Variants in FCHSD2 observed in about 807,000 individuals in gnomAD.
The protein encoded by FCHSD2 is F-BAR and double SH3 domains protein 2.
FCHSD2 carries 38 observed loss-of-function variants against 108.1 expected under a neutral mutation model. That is an observed-to-expected ratio of 0.35 (90% CI 0.27 to 0.46). The LOEUF is 0.46. FCHSD2 is among the 20% of genes least tolerant of loss of function. FCHSD2 has a pLI of 1.00. For missense variants in FCHSD2, 751 were observed against 897.8 expected, an observed-to-expected ratio of 0.84 and a Z score of 2.09; for synonymous variants, 279 against 314.7, an observed-to-expected ratio of 0.89 and a Z score of 1.20.
chr11:73,036,457 TA>T (rs1289575958), intron 3 of FCHSD2, among the ~76,000 whole-genome samples: 1 of 152,100 alleles, frequency 6.6e-6, no homozygotes, highest in Non-Finnish European at 1.5e-5. Context: ...ACACTGAAAA[TA>T]ATTTCATTAG....
At position 73,134,138 on chromosome 11, in the gene FCHSD2, A is replaced by G. The variant is rs113786055; in HGVS notation, c.119+5893T>C. 1.9e-3 allele frequency among the ~76,000 whole-genome samples: 292 copies of G among 152,192 alleles called. 1 individual carries two copies. Among genetic ancestry groups the G allele is most frequent in the African/African-American group, 6.3e-3 (261 of 41,522 alleles). On this transcript the variant is annotated intron_variant, in intron 2 of 19. Coordinates refer to ENST00000409418, the MANE Select transcript of FCHSD2 (RefSeq NM_014824.3). ...TCTAGACCAGATTAGATTACCTCTA[A>G]GATCTCTTTCTAGATACAACAGTCT...
chr11:72,958,993 A>ATGTGTGTG lies in FCHSD2; in HGVS notation c.705+25087_705+25094dup, dbSNP rs59339008. Among the ~76,000 whole-genome samples the ATGTGTGTG allele has an allele frequency of 9.0e-3, 1,036 of 114,854 alleles. 10 individuals carry two copies. The highest frequency in any genetic ancestry group is 0.021 in the African/African-American group (660 of 30,998). The allele number at this position is 114,854 out of a possible 152,430, so 75.3% of individuals were successfully genotyped here. A position where few individuals can be genotyped will look rare whatever the true frequency, so the allele number is the denominator to read the frequency against. On this transcript the variant is annotated intron_variant, in intron 8 of 19. Transcript: ENST00000409418. Reference sequence around the variant, plus strand: ...TATTACATATACTCATCAGTAAGATATGTGTGTGTGTGTGTGTGTGTGTGT... The same window carrying ATGTGTGTG: ...TATTACATATACTCATCAGTAAGATATGTGTGTGTGTGTGTGTGTGTGTGTGTGTGTGT...
intron 12 of FCHSD2, among the ~76,000 whole-genome samples, chr11:72,881,232 T>C (rs1217612997): frequency 2.6e-5 from 4 of 152,176 alleles, no homozygotes; most frequent in Non-Finnish European, 1.5e-5. Flanking sequence ...TAACCACTTT[T>C]CTCAAAAGAA....
intron 3 of FCHSD2, among the ~76,000 whole-genome samples, chr11:73,027,133 T>C (rs1414030796): frequency 6.6e-6 from 1 of 152,094 alleles, no homozygotes; most frequent in East Asian, 1.9e-4. Flanking sequence ...TGGAACAGTT[T>C]GGAGGGCTCA....
At chr11:72,874,627 T>C (rs1854929107) in intron 12 of FCHSD2, among the ~76,000 whole-genome samples, 1 of 152,214 alleles carries the variant, frequency 6.6e-6, no homozygotes, top group South Asian at 2.1e-4. Flanking sequence ...TTCACTACAT[T>C]CTATTTTCTC....
intron 13 of FCHSD2, among the ~76,000 whole-genome samples, chr11:72,860,852 A>C (rs1282410839): frequency 6.6e-6 from 1 of 152,190 alleles, no homozygotes; most frequent in Non-Finnish European, 1.5e-5. Context: ...AAATATTTTG[A>C]ACTGGATAAA....
intron 3 of FCHSD2, among the ~76,000 whole-genome samples, chr11:73,040,796 T>C (rs1858616785): frequency 6.6e-6 from 1 of 152,226 alleles, no homozygotes; most frequent in Admixed American, 6.5e-5. Flanking sequence ...CTAATCCGAC[T>C]GTGCTATAAA....
intron 5 of FCHSD2, among the ~76,000 whole-genome samples, chr11:72,992,356 C>T (rs2135408148): frequency 6.6e-6 from 1 of 152,244 alleles, no homozygotes; most frequent in Non-Finnish European, 1.5e-5. Flanking sequence ...TTTATAGATT[C>T]AATGCCATCC....
chr11:72,922,753 G>GTCTTGCCAA (rs1412316577), intron 8 of FCHSD2, among the ~76,000 whole-genome samples: 1 of 152,076 alleles, frequency 6.6e-6, no homozygotes, highest in Non-Finnish European at 1.5e-5. Flanking sequence ...AGGTTCTGAA[G>GTCTTGCCAA]TCTTGCCAAT....
chr11:72,984,288 T>A (rs184884281), intron 7 of FCHSD2, 72 bp from the exon 8 acceptor site: 2 of 1,460,800 alleles, frequency 1.4e-6, no homozygotes, highest in Non-Finnish European at 1.9e-6. Context: ...AATCCTACTC[T>A]TAGTTTGCAA....
chr11:73,070,667 C>T (rs1042444816), intron 3 of FCHSD2, among the ~76,000 whole-genome samples: 2 of 151,928 alleles, frequency 1.3e-5, no homozygotes, highest in African/African-American at 2.4e-5. Context: ...CTCAAGTGAT[C>T]TGCCCACCTT....
intron 8 of FCHSD2, among the ~76,000 whole-genome samples, chr11:72,947,759 A>AATG (rs1447215043): frequency 0.076 from 192 of 2,538 alleles, no homozygotes; most frequent in Middle Eastern, 0.4. Context: ...ATTTTCTCAT[A>AATG]AAGAAAATTA....
rs142266887 is a variant in FCHSD2 at position 72,947,499 on chromosome 11, A to G, written c.706-25549T>C. Among the ~76,000 whole-genome samples, 6 of 152,362 alleles carry G rather than the reference A, an allele frequency of 3.9e-5. No homozygotes were observed. In the East Asian group the frequency reaches 1.2e-3, roughly 29 times the overall value. On this transcript the variant is annotated intron_variant, in intron 8 of 19. Transcript: ENST00000409418. ...GACTCACATAGGAATTGACCACAAG[A>G]TCTTATTCTAAGCAATGAACTAATC...
chr11:73,036,836 A>T (rs1035215755), intron 3 of FCHSD2, among the ~76,000 whole-genome samples: 14 of 152,354 alleles, frequency 9.2e-5, no homozygotes, highest in African/African-American at 3.4e-4. Context: ...ATAAAATTTT[A>T]AAAACTGAGT....
chr11:73,110,434 A>C (rs1860455993), intron 2 of FCHSD2, among the ~76,000 whole-genome samples: 1 of 152,176 alleles, frequency 6.6e-6, no homozygotes, highest in Admixed American at 6.5e-5. Flanking sequence ...GTATGTGTCT[A>C]TGAATTATGC....
At chr11:73,104,855 G>A (rs1860305192) in intron 2 of FCHSD2, among the ~76,000 whole-genome samples, 1 of 152,116 alleles carries the variant, frequency 6.6e-6, no homozygotes, top group African/African-American at 2.4e-5. Flanking sequence ...ACCGTGCCTG[G>A]CCAACTTTAC....
rs151152781 is a variant in FCHSD2 at position 73,112,776 on chromosome 11, G to A, written c.119+27255C>T. On this transcript the variant is annotated intron_variant, in intron 2 of 19. Transcript: ENST00000409418. ...CAATTCTCCTGCCTCAGCCTCCTGA[G>A]TAGCTGGGGTTACAGGCATACACTA... Among the ~76,000 whole-genome samples, 495 of 152,290 alleles carry A rather than the reference G, an allele frequency of 3.3e-3. 3 individuals are homozygous for A. Among genetic ancestry groups the A allele is most frequent in the Non-Finnish European group, 6.3e-3 (428 of 68,024 alleles).
intron 2 of FCHSD2, among the ~76,000 whole-genome samples, chr11:73,092,110 C>T (rs1859973333): frequency 6.6e-6 from 1 of 152,074 alleles, no homozygotes; most frequent in Non-Finnish European, 1.5e-5. Flanking sequence ...GATTCAGATA[C>T]ACCTCCTCTG....
At chr11:72,986,427 T>C (rs1177406439) in intron 6 of FCHSD2, among the ~76,000 whole-genome samples, 1 of 152,162 alleles carries the variant, frequency 6.6e-6, no homozygotes, top group Admixed American at 6.5e-5. Context: ...GCCAGGATGG[T>C]CTCAATCTCC....
Sources: allele counts gnomAD v4.1 joint callset (sites outside exome capture counted in the v4.1 genomes callset), GRCh38; gene constraint gnomAD v4.1.1; transcripts MANE v1.5; gene names NCBI Gene and HGNC (gene_info 2026-07-23, HGNC 2026-07-21).